SDK1: variants seen among roughly 807,000 people sequenced by gnomAD.
The protein encoded by SDK1 is protein sidekick-1.
In SDK1, 157 loss-of-function variants were observed where a neutral mutation model predicts 245.5. The ratio of observed to expected loss-of-function variants is 0.64; its 90% CI spans 0.56 to 0.73. The LOEUF (loss-of-function observed/expected upper bound fraction) is 0.73, where lower values mean the gene tolerates loss of function less well. Among genes scored for constraint, SDK1 ranks in the 30% least tolerant of loss-of-function variants. The pLI, the probability that SDK1 is intolerant of heterozygous loss-of-function variation, is 0.00. For missense variants in SDK1, 3,583 were observed against 3,002.3 expected (o/e 1.19, Z -4.52); for synonymous variants, 1,647 against 1,278.5 (o/e 1.29, Z -6.15).
intron 1 of SDK1, among the ~76,000 whole-genome samples, chr7:3,404,166 A>G (rs976567181): frequency 6.6e-6 from 1 of 151,946 alleles, no homozygotes; most frequent in Admixed American, 6.6e-5. Context: ...CTTGCTGGAC[A>G]TGGGCTGCCA....
chr7:3,499,724 A>T (rs1240512219), intron 1 of SDK1, among the ~76,000 whole-genome samples: 3 of 152,232 alleles, frequency 2.0e-5, no homozygotes, highest in Non-Finnish European at 4.4e-5. Context: ...AGTCTGGGTC[A>T]TAGCCGGGCC....
chr7:3,505,137 T>A (rs1481297521), intron 1 of SDK1, among the ~76,000 whole-genome samples: 1 of 152,226 alleles, frequency 6.6e-6, no homozygotes, highest in Non-Finnish European at 1.5e-5. Flanking sequence ...GAATGTTACT[T>A]TTTTCATAAT....
intron 1 of SDK1, among the ~76,000 whole-genome samples, chr7:3,303,226 A>G: frequency 6.6e-6 from 1 of 152,242 alleles, no homozygotes; most frequent in East Asian, 1.9e-4. Context: ...GCATTTATTA[A>G]GTCATTTTGT....
intron 1 of SDK1, among the ~76,000 whole-genome samples, chr7:3,321,788 CCTTCCT>C (rs1562412736): frequency 6.3e-4 from 52 of 82,070 alleles, no homozygotes; most frequent in African/African-American, 1.2e-3. Context: ...CTCCTTCCTT[CCTTCCT>C]TCCTTCCTTC....
chr7:3,700,874 C>T (rs140013810), intron 4 of SDK1, among the ~76,000 whole-genome samples: 2 of 152,020 alleles, frequency 1.3e-5, no homozygotes, highest in Non-Finnish European at 2.9e-5. Context: ...GGTGTGCTTC[C>T]GTCAGCTATT....
intron 1 of SDK1, among the ~76,000 whole-genome samples, chr7:3,434,496 A>G (rs372980421): frequency 6.6e-6 from 1 of 152,290 alleles, no homozygotes; most frequent in African/African-American, 2.4e-5. Flanking sequence ...TACAGCTAAC[A>G]TTTATTAAGG....
chr7:3,616,600 T>C (rs1781780379), intron 1 of SDK1, among the ~76,000 whole-genome samples: 1 of 152,224 alleles, frequency 6.6e-6, no homozygotes, highest in Non-Finnish European at 1.5e-5. Flanking sequence ...CTTGCCGTAC[T>C]CATAGATGCA....
At chr7:3,852,750 CAAAAAAAAAAAAAA>C (rs35116493) in intron 5 of SDK1, among the ~76,000 whole-genome samples, 1 of 28,160 alleles carries the variant, frequency 3.6e-5, no homozygotes, top group Non-Finnish European at 7.5e-5. Flanking sequence ...GACTCCGTCT[CAAAAAAAAAAAAAA>C]AAAAAAAAAA....
At chr7:3,967,282 C>A in intron 9 of SDK1, 36 bp from the exon 10 acceptor site, 1 of 1,528,960 alleles carries the variant, frequency 6.5e-7, no homozygotes, top group African/African-American at 1.4e-5. Context: ...CTCTCAGGAA[C>A]AAGGCCCTGA....
At chr7:3,745,447 A>C (rs1325113769) in intron 4 of SDK1, among the ~76,000 whole-genome samples, 1 of 152,188 alleles carries the variant, frequency 6.6e-6, no homozygotes, top group Non-Finnish European at 1.5e-5. Context: ...GTGTGGCATA[A>C]AGACTGAGAA....
intron 5 of SDK1, among the ~76,000 whole-genome samples, chr7:3,845,651 T>C (rs1667544628): frequency 6.6e-6 from 1 of 150,922 alleles, no homozygotes; most frequent in Admixed American, 6.6e-5. Flanking sequence ...AGCAGTGGGC[T>C]CCCTTTAGCA....
chr7:3,687,609 A>G (rs1784326183), intron 4 of SDK1, among the ~76,000 whole-genome samples: 1 of 152,150 alleles, frequency 6.6e-6, no homozygotes, highest in Non-Finnish European at 1.5e-5. Flanking sequence ...TGATGAAAAA[A>G]ATTCAGTCCC....
At chr7:3,770,177 T>A (rs369169040) in intron 4 of SDK1, among the ~76,000 whole-genome samples, 1 of 152,140 alleles carries the variant, frequency 6.6e-6, no homozygotes. Flanking sequence ...TCTATAATTA[T>A]GTCATTTCAA....
chr7:3,555,771 G>C (rs1779568497), intron 1 of SDK1, among the ~76,000 whole-genome samples: 1 of 151,968 alleles, frequency 6.6e-6, no homozygotes, highest in African/African-American at 2.4e-5. Context: ...GATCTGAATA[G>C]ATATTTTGCA....
At chr7:3,412,712 A>T (rs1779247406) in intron 1 of SDK1, among the ~76,000 whole-genome samples, 1 of 152,136 alleles carries the variant, frequency 6.6e-6, no homozygotes, top group Admixed American at 6.5e-5. Flanking sequence ...ATAGGTTGCG[A>T]GTGTATGAAA....
intron 1 of SDK1, among the ~76,000 whole-genome samples, chr7:3,463,792 T>C (rs1312871294): frequency 6.6e-6 from 1 of 152,176 alleles, no homozygotes; most frequent in Non-Finnish European, 1.5e-5. Flanking sequence ...GTCTGATGGC[T>C]TTTAACATGT....
chr7:3,610,536 A>T lies in SDK1; in HGVS notation c.299-8544A>T, dbSNP rs192627040. ...TTCAGTTTGGAGAAACGGGAATTGT[A>T]TTTATCCCACTGTGTCTTATTAATT... On this transcript the variant is annotated intron_variant, in intron 1 of 44. Transcript: ENST00000404826. Among the ~76,000 whole-genome samples the T allele has an allele frequency of 2.5e-3, 387 of 152,328 alleles. 8 individuals carry two copies. Among genetic ancestry groups the T allele is most frequent in the Non-Finnish European group, 3.4e-4 (23 of 68,016 alleles).
chr7:4,232,407 C>CTTTTTTTTTTTTTTTTTTTTTT (rs201396862), intron 40 of SDK1, among the ~76,000 whole-genome samples: 21 of 73,170 alleles, frequency 2.9e-4, no homozygotes, highest in South Asian at 4.8e-4. Context: ...CTTTTCTTTT[C>CTTTTTTTTTTTTTTTTTTTTTT]TTTCTTTTTT....
At chr7:4,194,303 T>C (rs982720499) in intron 35 of SDK1, among the ~76,000 whole-genome samples, 2 of 100,622 alleles carry the variant, frequency 2.0e-5, no homozygotes, top group African/African-American at 7.9e-5. Flanking sequence ...CGTATGTGTA[T>C]ACATGTATAC....
Sources: allele counts gnomAD v4.1 joint callset (sites outside exome capture counted in the v4.1 genomes callset), GRCh38; gene constraint gnomAD v4.1.1; transcripts MANE v1.5; gene names NCBI Gene and HGNC (gene_info 2026-07-23, HGNC 2026-07-21).